The following OXSR1 variants were observed in gnomAD, a reference collection of about 807,000 sequenced individuals.
OXSR1 encodes the protein serine/threonine-protein kinase OSR1.
In OXSR1, 24 loss-of-function variants were observed where a neutral mutation model predicts 79.8. The ratio of observed to expected loss-of-function variants is 0.30; its 90% CI spans 0.22 to 0.42. The LOEUF is 0.42. Among genes scored for constraint, OXSR1 ranks in the 10% least tolerant of loss-of-function variants. The pLI, the probability that OXSR1 is intolerant of heterozygous loss-of-function variation, is 1.00. For missense variants in OXSR1, 430 were observed against 618.4 expected, an observed-to-expected ratio of 0.70 and a Z score of 3.23; for synonymous variants, 226 against 209.2, an observed-to-expected ratio of 1.08 and a Z score of -0.69.
intron 5 of OXSR1, among the ~76,000 whole-genome samples, chr3:38,219,899 G>A (rs1033332539): frequency 3.3e-5 from 5 of 151,964 alleles, no homozygotes; most frequent in African/African-American, 4.8e-5. Context: ...CCTCAAACTC[G>A]TAGGCTCAAG....
Position 38,254,642 on chromosome 3 carries a change from T to C in OXSR1, c.*1751T>C, listed in dbSNP as rs1575382834. The C allele has an allele frequency of 5.9e-6, 1 of 170,898 alleles. No homozygotes were observed. The highest frequency in any genetic ancestry group is 2.4e-5 in the African/African-American group (1 of 42,042). 10.6% of individuals were successfully genotyped at this position (170,898 alleles called of 1,614,324 possible). A position where few individuals can be genotyped will look rare whatever the true frequency, so the allele number is the denominator to read the frequency against. ...ACGGAGAGGAACAAGGATGGGGAGG[T>C]AGGAATGAGGTATAGAAAAGAGATA... On this transcript the variant is annotated 3_prime_UTR_variant, in exon 18 of 18. Coordinates refer to ENST00000311806, the MANE Select transcript of OXSR1 (RefSeq NM_005109.3).
At chr3:38,184,448 C>CACTTTTATCA (rs1300393814) in intron 2 of OXSR1, among the ~76,000 whole-genome samples, 1 of 152,038 alleles carries the variant, frequency 6.6e-6, no homozygotes, top group Non-Finnish European at 1.5e-5. Flanking sequence ...ACTTGAACTG[C>CACTTTTATCA]AGTGATGATA....
At position 38,165,782 on chromosome 3, in the gene OXSR1, CG is replaced by C; in HGVS notation, c.-93del. ...GAGACGATTGGTGGGGGCGCGGCGG[CG>C]GCGGCGGCGGCTGTTGGGGGTGGGG... On this transcript the variant is annotated 5_prime_UTR_variant, in exon 1 of 18. Coordinates refer to ENST00000311806, the MANE Select transcript of OXSR1 (RefSeq NM_005109.3). The C allele has an allele frequency of 1.8e-6, 2 of 1,107,666 alleles. No homozygotes were observed. The highest frequency in any genetic ancestry group is 1.3e-6 in the Non-Finnish European group (1 of 757,536). 68.6% of individuals were successfully genotyped at this position (1,107,666 alleles called of 1,614,324 possible).
At chr3:38,226,366 A>G (rs1702688890) in intron 8 of OXSR1, among the ~76,000 whole-genome samples, 1 of 152,146 alleles carries the variant, frequency 6.6e-6, no homozygotes, top group Non-Finnish European at 1.5e-5. Context: ...AAGAAATCAG[A>G]CCCACAAGAG....
intron 2 of OXSR1, among the ~76,000 whole-genome samples, chr3:38,189,836 C>G (rs1423064664): frequency 6.6e-6 from 1 of 152,214 alleles, no homozygotes. Context: ...GATTGAGAAT[C>G]TACTTTTGAG....
At chr3:38,173,340 TAATA>T (rs1559498932) in intron 1 of OXSR1, among the ~76,000 whole-genome samples, 1 of 152,212 alleles carries the variant, frequency 6.6e-6, no homozygotes, top group Non-Finnish European at 1.5e-5. Context: ...AGTAATCAGT[TAATA>T]AATGTTAGCT....
intron 11 of OXSR1, 60 bp downstream of exon 11, chr3:38,237,021 AC>A: frequency 6.9e-7 from 1 of 1,452,190 alleles, no homozygotes; most frequent in Non-Finnish European, 9.4e-7. Context: ...GTTCAGCTTA[AC>A]CAGCTAAAAT....
At chr3:38,164,249 T>C (rs904585233), upstream of OXSR1, among the ~76,000 whole-genome samples, 1 of 152,080 alleles carries the variant, frequency 6.6e-6, no homozygotes, top group African/African-American at 2.4e-5. Context: ...ACTGCAACCT[T>C]CGCCTCCTGC....
intron 6 of OXSR1, among the ~76,000 whole-genome samples, chr3:38,222,871 C>T (rs143564087): frequency 1.3e-5 from 2 of 152,188 alleles, no homozygotes; most frequent in African/African-American, 4.8e-5. Flanking sequence ...AGTTTCAGGA[C>T]GTATGAGCAA....
chr3:38,217,287 G>A (rs1432451679), intron 5 of OXSR1, among the ~76,000 whole-genome samples: 1 of 152,098 alleles, frequency 6.6e-6, no homozygotes, highest in African/African-American at 2.4e-5. Context: ...TGGGTATAAA[G>A]CAAGGAAAAA....
At chr3:38,198,924 A>G in intron 4 of OXSR1, 61 bp downstream of exon 4, 1 of 1,430,642 alleles carries the variant, frequency 7.0e-7, no homozygotes, top group Non-Finnish European at 9.7e-7. Context: ...CCACTCTTTT[A>G]CAGAATCGTG....
chr3:38,181,288 T>A (rs1337976699), intron 1 of OXSR1, among the ~76,000 whole-genome samples: 1 of 152,062 alleles, frequency 6.6e-6, no homozygotes, highest in Non-Finnish European at 1.5e-5. Flanking sequence ...ATAATTTCCA[T>A]GTGGTACTTT....
At chr3:38,228,526 T>G (rs1295324840) in intron 8 of OXSR1, among the ~76,000 whole-genome samples, 5 of 152,170 alleles carry the variant, frequency 3.3e-5, no homozygotes, top group African/African-American at 1.2e-4. Flanking sequence ...CAATTAAAGA[T>G]TCTGCTTTAA....
At chr3:38,218,717 A>G (rs992748370) in intron 5 of OXSR1, among the ~76,000 whole-genome samples, 3 of 152,130 alleles carry the variant, frequency 2.0e-5, no homozygotes, top group African/African-American at 7.2e-5. Flanking sequence ...GAAATTTGGT[A>G]TTATATCTCA....
Position 38,198,829 on chromosome 3 carries a change from C to A in OXSR1, c.400C>A (p.Leu134Met). Reference protein sequence around the residue: ...ATILREVLEGLEYLHKNGQIH... With the variant: ...ATILREVLEGMEYLHKNGQIH... ...GATACTCCGAGAAGTACTGGAAGGG[C>A]TGGAATATCTGCATAAAAATGGACA... Residue 134 changes from leucine to methionine, a missense_variant, in exon 4 of 18, where the codon CTG (leucine) becomes ATG (methionine). Leu to Met is a conservative substitution (Grantham distance 15). This residue lies in a region of OXSR1 where 145 missense variants were observed against 228.3 expected (regional missense o/e 0.64). Coordinates refer to ENST00000311806, the MANE Select transcript of OXSR1 (RefSeq NM_005109.3). The A allele has an allele frequency of 6.2e-7, 1 of 1,613,434 alleles. No homozygotes were observed. The highest frequency in any genetic ancestry group is 8.5e-7 in the Non-Finnish European group (1 of 1,179,512).
chr3:38,231,195 G>T (rs1304155498), intron 10 of OXSR1, among the ~76,000 whole-genome samples: 1 of 152,132 alleles, frequency 6.6e-6, no homozygotes, highest in Non-Finnish European at 1.5e-5. Flanking sequence ...ACACAATGAA[G>T]AACCAGAAAT....
intron 1 of OXSR1, among the ~76,000 whole-genome samples, chr3:38,177,384 A>C (rs888940943): frequency 2.0e-5 from 3 of 152,354 alleles, no homozygotes; most frequent in Admixed American, 1.3e-4. Flanking sequence ...TGTCTTACAC[A>C]CATAACAAAG....
intron 5 of OXSR1, among the ~76,000 whole-genome samples, chr3:38,220,609 A>G (rs1559518069): frequency 6.6e-6 from 1 of 152,230 alleles, no homozygotes; most frequent in Non-Finnish European, 1.5e-5. Context: ...TACACTAGGA[A>G]ATACACAGAA....
intron 13 of OXSR1, among the ~76,000 whole-genome samples, chr3:38,246,898 T>C (rs555269310): frequency 6.6e-6 from 1 of 152,242 alleles, no homozygotes; most frequent in Non-Finnish European, 1.5e-5. Flanking sequence ...ATTTATTAAA[T>C]ATTAGAAGTT....
Sources: allele counts gnomAD v4.1 joint callset (sites outside exome capture counted in the v4.1 genomes callset), GRCh38; gene constraint gnomAD v4.1.1; regional missense constraint gnomAD v4.1.1; transcripts MANE v1.5; gene names NCBI Gene and HGNC (gene_info 2026-07-23, HGNC 2026-07-21).